Variants in PIK3C2G observed in about 807,000 individuals in gnomAD.
PIK3C2G encodes the protein phosphatidylinositol-4-phosphate 3-kinase catalytic subunit type 2 gamma.
In PIK3C2G, 168 loss-of-function variants were observed where a neutral mutation model predicts 181.1. The ratio of observed to expected loss-of-function variants is 0.93; its 90% confidence interval spans 0.82 to 1.05. PIK3C2G has a LOEUF of 1.05. Ranked by LOEUF, PIK3C2G falls within the 50% of genes least tolerant of loss-of-function variation. The pLI is 0.00. For synonymous variants in PIK3C2G, 573 were observed against 592.2 expected (o/e 0.97, Z 0.47); for missense variants, 1,869 against 1,732.8 (o/e 1.08, Z -1.40).
chr12:18,688,128 C>G, the PIK3C2G span: 6 of 1,611,534 alleles, frequency 3.7e-6, no homozygotes, highest in Non-Finnish European at 5.1e-6. Context: ...TTCATTTGAT[C>G]ATTTGGAACA....
At chr12:18,632,039 G>A (rs1249167175) in intron 31 of PIK3C2G, among the ~76,000 whole-genome samples, 1 of 152,006 alleles carries the variant, frequency 6.6e-6, no homozygotes, top group East Asian at 1.9e-4. Context: ...GTCACAACTG[G>A]GAGGATGATG....
intron 14 of PIK3C2G, among the ~76,000 whole-genome samples, chr12:18,383,047 C>A (rs948308182): frequency 1.3e-5 from 2 of 152,084 alleles, no homozygotes; most frequent in Non-Finnish European, 2.9e-5. Flanking sequence ...CATAGACACT[C>A]CACACACGAT....
At chr12:18,683,121 A>G in the PIK3C2G span, 12 of 879,114 alleles carry the variant, frequency 1.4e-5, no homozygotes, top group Admixed American at 2.3e-5. Flanking sequence ...TGGGCTCAAT[A>G]TTTCTAGTTT....
intron 31 of PIK3C2G, among the ~76,000 whole-genome samples, chr12:18,619,858 G>A (rs1948768617): frequency 6.6e-6 from 1 of 151,560 alleles, no homozygotes; most frequent in African/African-American, 2.4e-5. Context: ...CCGAGTAGCT[G>A]GGACTACAGG....
intron 4 of PIK3C2G, among the ~76,000 whole-genome samples, chr12:18,292,655 T>G (rs544681585): frequency 1.3e-5 from 2 of 152,296 alleles, no homozygotes; most frequent in African/African-American, 4.8e-5. Flanking sequence ...GATTATGATA[T>G]GTGAATATGA....
At chr12:18,437,447 A>G (rs190656853) in intron 18 of PIK3C2G, among the ~76,000 whole-genome samples, 237 of 152,094 alleles carry the variant, frequency 1.6e-3, no homozygotes, top group African/African-American at 5.5e-3. Context: ...TTTTTGACCA[A>G]TGAAAAATGA....
chr12:18,571,346 A>G lies in PIK3C2G; in HGVS notation c.4011+4289A>G, dbSNP rs1325407977. Among the ~76,000 whole-genome samples the G allele has an allele frequency of 3.3e-5, 5 of 150,762 alleles. 1 individual carries two copies. The highest frequency in any genetic ancestry group is 1.2e-4 in the African/African-American group (5 of 40,340). On this transcript the variant is annotated intron_variant, in intron 29 of 32. Transcript: ENST00000538779. ...AAAATTCCATGCATGCTTTAGAAGAATGCACCCTGTAGTTGTGAGATGCAG... is the reference window on the plus strand; with the variant it reads ...AAAATTCCATGCATGCTTTAGAAGAGTGCACCCTGTAGTTGTGAGATGCAG...
intron 24 of PIK3C2G, among the ~76,000 whole-genome samples, chr12:18,537,056 A>G (rs998361036): frequency 6.6e-6 from 1 of 151,996 alleles, no homozygotes; most frequent in Non-Finnish European, 1.5e-5. Flanking sequence ...TTTGCCTGCA[A>G]TTAGACCCCC....
At chr12:18,538,102 C>T (rs1943954703) in intron 24 of PIK3C2G, 54 bp from the exon 25 acceptor site, 1 of 1,515,048 alleles carries the variant, frequency 6.6e-7, no homozygotes, top group Admixed American at 2.0e-5. Flanking sequence ...GCTGATTTAA[C>T]CTGACAAACC....
chr12:18,525,625 A>C (rs1943181330), intron 24 of PIK3C2G, among the ~76,000 whole-genome samples: 1 of 152,122 alleles, frequency 6.6e-6, no homozygotes, highest in African/African-American at 2.4e-5. Flanking sequence ...CCTTCTTCTC[A>C]ATTCTGTATT....
At chr12:18,275,638 C>T (rs1948953590) in intron 1 of PIK3C2G, among the ~76,000 whole-genome samples, 1 of 152,204 alleles carries the variant, frequency 6.6e-6, no homozygotes, top group South Asian at 2.1e-4. Context: ...GCCTCGGCCT[C>T]CCAAAGTGCT....
chr12:18,488,030 AT>A (rs1298327897), intron 18 of PIK3C2G, among the ~76,000 whole-genome samples: 1 of 152,098 alleles, frequency 6.6e-6, no homozygotes, highest in Non-Finnish European at 1.5e-5. Flanking sequence ...GTGCGGGGAT[AT>A]TATCATTTGA....
At chr12:18,439,959 T>A (rs1468623498) in intron 18 of PIK3C2G, among the ~76,000 whole-genome samples, 1 of 152,072 alleles carries the variant, frequency 6.6e-6, no homozygotes, top group African/African-American at 2.4e-5. Flanking sequence ...GTTATCCTCT[T>A]TAATTCATAA....
chr12:18,383,636 T>A (rs1191144666), intron 14 of PIK3C2G, among the ~76,000 whole-genome samples: 2 of 152,136 alleles, frequency 1.3e-5, no homozygotes, highest in East Asian at 3.8e-4. Flanking sequence ...ATAAATTATG[T>A]GAGGAACAGT....
chr12:18,601,011 T>G (rs1311387752), intron 30 of PIK3C2G, among the ~76,000 whole-genome samples: 1 of 151,898 alleles, frequency 6.6e-6, no homozygotes, highest in East Asian at 1.9e-4. Context: ...GGGTGGCAAA[T>G]AAGAAATCAC....
At chr12:18,302,680 G>A (rs1950225419) in intron 5 of PIK3C2G, among the ~76,000 whole-genome samples, 1 of 152,138 alleles carries the variant, frequency 6.6e-6, no homozygotes, top group African/African-American at 2.4e-5. Flanking sequence ...TTTTGCTGGT[G>A]TGTTTCAGGC....
chr12:18,590,629 T>G (rs1371513394), intron 29 of PIK3C2G, among the ~76,000 whole-genome samples: 4 of 151,892 alleles, frequency 2.6e-5, no homozygotes, highest in Non-Finnish European at 4.4e-5. Context: ...CTATAAATCT[T>G]CAGACTATCT....
At chr12:18,317,931 C>A in intron 6 of PIK3C2G, among the ~76,000 whole-genome samples, 1 of 152,228 alleles carries the variant, frequency 6.6e-6, no homozygotes, top group East Asian at 1.9e-4. Context: ...TCAGTGCCTG[C>A]ACTTAGTATG....
intron 18 of PIK3C2G, among the ~76,000 whole-genome samples, chr12:18,440,009 G>A (rs927237416): frequency 3.4e-4 from 52 of 151,914 alleles, no homozygotes; most frequent in Admixed American, 9.2e-4. Flanking sequence ...CACTGTACCT[G>A]GATGCAAACC....
Sources: allele counts gnomAD v4.1 joint callset (sites outside exome capture counted in the v4.1 genomes callset), GRCh38; gene constraint gnomAD v4.1.1; transcripts MANE v1.5; gene names NCBI Gene and HGNC (gene_info 2026-07-23, HGNC 2026-07-21).